ADAMTS19: variants seen among roughly 807,000 people sequenced by gnomAD.
ADAMTS19 encodes the protein A disintegrin and metalloproteinase with thrombospondin motifs 19.
In ADAMTS19, 93 loss-of-function variants were observed where a neutral mutation model predicts 153.3. The ratio of observed to expected loss-of-function variants is 0.61; its 90% confidence interval spans 0.51 to 0.72. The LOEUF is 0.72. Among genes scored for constraint, ADAMTS19 ranks in the 30% least tolerant of loss-of-function variants. The pLI, the probability that ADAMTS19 is intolerant of heterozygous loss-of-function variation, is 0.00. For synonymous variants in ADAMTS19, 600 were observed against 556.6 expected, an observed-to-expected ratio of 1.08 and a Z score of -1.10; for missense variants, 1,482 against 1,552.1, an observed-to-expected ratio of 0.95 and a Z score of 0.76.
intron 8 of ADAMTS19, among the ~76,000 whole-genome samples, chr5:129,606,398 T>G (rs902798146): frequency 6.6e-6 from 1 of 152,240 alleles, no homozygotes; most frequent in African/African-American, 2.4e-5. Flanking sequence ...CCTTAGTTAC[T>G]TCCATAATCT....
chr5:129,622,403 T>A, intron 10 of ADAMTS19, 55 bp downstream of exon 10: 1 of 1,590,724 alleles, frequency 6.3e-7, no homozygotes, highest in Non-Finnish European at 8.6e-7. Flanking sequence ...AAGTATTGAT[T>A]GGTAGGAGAA....
chr5:129,625,227 A>G (rs1346934949), intron 10 of ADAMTS19, among the ~76,000 whole-genome samples: 1 of 152,182 alleles, frequency 6.6e-6, no homozygotes, highest in African/African-American at 2.4e-5. Context: ...TTCTTAATCC[A>G]GTCTATCACT....
At chr5:129,729,548 T>C (rs1413386792) in intron 21 of ADAMTS19, among the ~76,000 whole-genome samples, 9 of 151,966 alleles carry the variant, frequency 5.9e-5, no homozygotes. Context: ...CTATTAGTTA[T>C]TAGTTTCTCA....
intron 6 of ADAMTS19, among the ~76,000 whole-genome samples, chr5:129,547,216 C>T (rs970029568): frequency 6.6e-6 from 1 of 150,496 alleles, no homozygotes; most frequent in Non-Finnish European, 1.5e-5. Context: ...CAGAGTGATG[C>T]AATCATTGAC....
chr5:129,541,997 A>G (rs1019298581), intron 6 of ADAMTS19, among the ~76,000 whole-genome samples: 2 of 152,148 alleles, frequency 1.3e-5, no homozygotes, highest in Admixed American at 1.3e-4. Flanking sequence ...CTATAGTTAT[A>G]TTGAGACTCT....
In ADAMTS19 at chr5:129,648,833, G is replaced by A. The variant is rs766748428; in HGVS notation, c.2039G>A (p.Arg680Lys). The A allele has an allele frequency of 2.5e-6, 4 of 1,613,868 alleles. No homozygotes were observed. Among genetic ancestry groups the A allele is most frequent in the Non-Finnish European group, 3.4e-6 (4 of 1,179,908 alleles). The change falls in exon 13 of 23, where the codon AGA (arginine) becomes AAA (lysine). Residue 680 changes from arginine (R) to lysine (K), a missense_variant. This residue lies in a region of ADAMTS19 where 616 missense variants were observed against 724.4 expected (regional missense o/e 0.85). Transcript: ENST00000274487. The stretch of plus-strand genomic sequence containing the variant: ...GAAGCAAGGGATTGTAATGGTCCCA[G>A]AAAACAATACAGAATATGTGAGAAT... ...DSEARDCNGP[R>K]KQYRICENPP... is the part of the protein sequence containing the mutation.
chr5:129,509,005 A>T (rs977450216), intron 2 of ADAMTS19, 72 bp from the exon 3 acceptor site: 50 of 1,279,872 alleles, frequency 3.9e-5, no homozygotes, highest in Non-Finnish European at 5.1e-5. Context: ...AACAGAATGT[A>T]TGAATGGAAG....
At chr5:129,712,318 GA>G (rs1432774527) in intron 21 of ADAMTS19, among the ~76,000 whole-genome samples, 1 of 152,040 alleles carries the variant, frequency 6.6e-6, no homozygotes, top group Non-Finnish European at 1.5e-5. Context: ...TTTGGACATT[GA>G]AAAAACCTAT....
intron 10 of ADAMTS19, among the ~76,000 whole-genome samples, chr5:129,624,281 A>G (rs1751924168): frequency 6.6e-6 from 1 of 152,000 alleles, no homozygotes. Context: ...CAATTATGAC[A>G]TTGGTTCTGT....
At chr5:129,680,375 C>G (rs1295069396) in intron 17 of ADAMTS19, among the ~76,000 whole-genome samples, 1 of 152,040 alleles carries the variant, frequency 6.6e-6, no homozygotes, top group Non-Finnish European at 1.5e-5. Flanking sequence ...AACAGTGCTC[C>G]CCATCACCCT....
chr5:129,608,846 C>CAA (rs3979147), intron 8 of ADAMTS19, among the ~76,000 whole-genome samples: 78,555 of 130,284 alleles, frequency 0.6, 23,217 homozygotes, highest in Non-Finnish European at 0.69. Flanking sequence ...GACTCTGTCT[C>CAA]AAAAAAAAAA....
chr5:129,508,195 T>C (rs1435004168), intron 2 of ADAMTS19, among the ~76,000 whole-genome samples: 2 of 151,992 alleles, frequency 1.3e-5, no homozygotes, highest in African/African-American at 4.8e-5. Context: ...CAGGTTTTAG[T>C]ATATGATTTA....
At chr5:129,731,341 G>A (rs1222098055) in intron 21 of ADAMTS19, among the ~76,000 whole-genome samples, 1 of 152,070 alleles carries the variant, frequency 6.6e-6, no homozygotes, top group African/African-American at 2.4e-5. Flanking sequence ...AATAGAAATT[G>A]CATGGAAATG....
At chr5:129,533,240 C>A (rs887087515) in intron 6 of ADAMTS19, among the ~76,000 whole-genome samples, 3 of 152,116 alleles carry the variant, frequency 2.0e-5, no homozygotes, top group African/African-American at 7.2e-5. Context: ...GGAAAACTGA[C>A]TGCAAAAAGG....
intron 17 of ADAMTS19, among the ~76,000 whole-genome samples, chr5:129,681,030 GATCA>G (rs890796338): frequency 7.2e-5 from 11 of 152,116 alleles, no homozygotes; most frequent in Admixed American, 4.6e-4. Flanking sequence ...TCTAAAACAC[GATCA>G]ATTAACTGTT....
At chr5:129,525,308 A>C (rs1751969861) in intron 3 of ADAMTS19, among the ~76,000 whole-genome samples, 1 of 152,102 alleles carries the variant, frequency 6.6e-6, no homozygotes, top group Non-Finnish European at 1.5e-5. Context: ...TCTTGTCAGC[A>C]CTTGATATAG....
At chr5:129,511,278 A>T (rs901333498) in intron 3 of ADAMTS19, among the ~76,000 whole-genome samples, 1 of 151,606 alleles carries the variant, frequency 6.6e-6, no homozygotes, top group Non-Finnish European at 1.5e-5. Flanking sequence ...TTACATGAAT[A>T]TTTTTTTCCA....
rs184428390 is a variant in ADAMTS19 at position 129,507,705 on chromosome 5, A to G, written c.748-1372A>G. On this transcript the variant is annotated intron_variant, in intron 2 of 22. Coordinates refer to ENST00000274487, the MANE Select transcript of ADAMTS19 (RefSeq NM_133638.6). ...GTGTGCGAGAGCCAGAGTGAGATCT[A>G]GAGCGAGAGAGAGAGAGAGAGAGAG... 8.7e-5 allele frequency among the ~76,000 whole-genome samples: 13 copies of G among 149,968 alleles called. No individual in the cohort carries two copies. The East Asian group carries it at 2.5e-3, about 29-fold the overall frequency.
At chr5:129,701,151 C>G (rs1755825299) in intron 19 of ADAMTS19, among the ~76,000 whole-genome samples, 1 of 150,360 alleles carries the variant, frequency 6.7e-6, no homozygotes, top group Non-Finnish European at 1.5e-5. Context: ...AAGGGGCATT[C>G]CCCTGCACAC....
Sources: gnomAD v4.1 joint callset for allele counts (sites outside exome capture counted in the v4.1 genomes callset) on GRCh38, gnomAD v4.1.1 for gene constraint, gnomAD v4.1.1 regional missense constraint, MANE v1.5 for transcripts, NCBI Gene and HGNC (gene_info 2026-07-23, HGNC 2026-07-21) for gene names.